The following KYNU variants were observed in gnomAD, a reference collection of about 807,000 sequenced individuals.
KYNU encodes the protein L-kynurenine hydrolase.
Under a neutral mutation model 59.2 loss-of-function variants are expected in KYNU, and 54 were observed. The ratio of observed to expected loss-of-function variants is 0.91; its 90% CI spans 0.73 to 1.14. The LOEUF (loss-of-function observed/expected upper bound fraction) is 1.14. Ranked by LOEUF, KYNU falls within the 50% of genes most tolerant of loss-of-function variation. The pLI is 0.00. For missense variants in KYNU, 567 were observed against 554.4 expected, an observed-to-expected ratio of 1.02 and a Z score of -0.23; for synonymous variants, 177 against 192.0, an observed-to-expected ratio of 0.92 and a Z score of 0.65.
chr2:143,041,237 A>T (rs2104927054), intron 13 of KYNU, among the ~76,000 whole-genome samples: 1 of 152,138 alleles, frequency 6.6e-6, no homozygotes, highest in South Asian at 2.1e-4. Flanking sequence ...AATTTCAGGG[A>T]AAAAAGATAA....
At chr2:142,948,747 C>G (rs773986924) in intron 4 of KYNU, among the ~76,000 whole-genome samples, 2 of 152,144 alleles carry the variant, frequency 1.3e-5, no homozygotes, top group Non-Finnish European at 2.9e-5. Context: ...GGGACACAAC[C>G]AAACCATATC....
intron 1 of KYNU, among the ~76,000 whole-genome samples, chr2:142,878,717 A>C (rs917035395): frequency 6.6e-6 from 1 of 152,200 alleles, no homozygotes; most frequent in African/African-American, 2.4e-5. Flanking sequence ...CAAGCTTTTT[A>C]CTTTAAAGTT....
intron 10 of KYNU, among the ~76,000 whole-genome samples, chr2:143,010,089 G>A (rs115349376): frequency 0.024 from 3,369 of 141,948 alleles, 76 homozygotes; most frequent in Non-Finnish European, 0.035. Context: ...GGAAATAAAG[G>A]GTACCCAATT....
chr2:142,931,623 G>A (rs1473982674), intron 4 of KYNU, among the ~76,000 whole-genome samples: 2 of 152,128 alleles, frequency 1.3e-5, no homozygotes, highest in Non-Finnish European at 2.9e-5. Context: ...GATTTTAAAG[G>A]GACTATAAAA....
chr2:142,931,314 G>A (rs1683210105), intron 4 of KYNU, among the ~76,000 whole-genome samples: 1 of 152,172 alleles, frequency 6.6e-6, no homozygotes, highest in Non-Finnish European at 1.5e-5. Flanking sequence ...GTGTGATATA[G>A]GGGGTGGTGT....
chr2:143,040,664 T>C lies in KYNU; in HGVS notation c.1272+6T>C, dbSNP rs762214840. 2 of 1,576,802 alleles carry C rather than the reference T, an allele frequency of 1.3e-6. No individual in the cohort carries two copies. The highest frequency in any genetic ancestry group is 1.7e-4 in the Middle Eastern group (1 of 5,948). ...TAGAAAAAAGAGGAGTGGTTGTAAGTATGTCTTGCTTTGCTACCAGATTTT... is the reference window on the plus strand; with the variant it reads ...TAGAAAAAAGAGGAGTGGTTGTAAGCATGTCTTGCTTTGCTACCAGATTTT... On this transcript the variant is annotated splice_donor_region_variant and intron_variant, in intron 13 of 13. Coordinates refer to ENST00000264170, the MANE Select transcript of KYNU (RefSeq NM_003937.3).
chr2:142,920,499 T>C (rs965791389), intron 3 of KYNU, among the ~76,000 whole-genome samples: 2 of 152,238 alleles, frequency 1.3e-5, no homozygotes, highest in East Asian at 1.9e-4. Context: ...CATATCCTTA[T>C]GGTCATCCAC....
At chr2:142,930,841 G>C (rs889051983) in intron 4 of KYNU, among the ~76,000 whole-genome samples, 1 of 152,216 alleles carries the variant, frequency 6.6e-6, no homozygotes, top group African/African-American at 2.4e-5. Context: ...TAGTTGTAAG[G>C]TTTCTGTATC....
At chr2:143,032,170 C>T (rs1190307667) in intron 11 of KYNU, among the ~76,000 whole-genome samples, 2 of 152,072 alleles carry the variant, frequency 1.3e-5, no homozygotes, top group East Asian at 1.9e-4. Flanking sequence ...CCCAGCTACT[C>T]GGAAAGCTGA....
intron 10 of KYNU, among the ~76,000 whole-genome samples, chr2:142,994,143 G>C (rs1451479176): frequency 6.6e-6 from 1 of 151,490 alleles, no homozygotes; most frequent in Non-Finnish European, 1.5e-5. Flanking sequence ...ATGTGTTCTT[G>C]TTTAGAACAT....
intron 10 of KYNU, among the ~76,000 whole-genome samples, chr2:143,021,151 C>G (rs1262878558): frequency 6.6e-6 from 1 of 151,976 alleles, no homozygotes. Flanking sequence ...CCTTATTGAT[C>G]TATATGTACT....
chr2:142,938,949 C>T (rs1022133734), intron 4 of KYNU, among the ~76,000 whole-genome samples: 11 of 151,260 alleles, frequency 7.3e-5, no homozygotes, highest in African/African-American at 2.2e-4. Flanking sequence ...AGTGAGACCC[C>T]GTCTCTACAA....
At chr2:142,956,966 G>A (rs1189805266) in intron 6 of KYNU, among the ~76,000 whole-genome samples, 2 of 152,012 alleles carry the variant, frequency 1.3e-5, no homozygotes, top group East Asian at 1.9e-4. Flanking sequence ...AATATAGTGA[G>A]ACCTCGTCTC....
intron 1 of KYNU, 39 bp downstream of exon 1, chr2:142,877,775 G>A (rs1260998686): frequency 6.6e-6 from 1 of 152,040 alleles, no homozygotes. Flanking sequence ...CTACCCTAAT[G>A]TTTACTCCAT....
chr2:142,885,382 T>C lies in KYNU; in HGVS notation c.15T>C (p.Ser5=). ...AACAACTTGTAATGGAGCCTTCATC[T>C]CTTGAGCTGCCGGCTGACACAGTGC... MEPS[S]LELPADTVQR... Residue 5 remains serine (S), a synonymous_variant, in exon 2 of 14, where the codon TCT becomes TCC. Coordinates refer to ENST00000264170, the MANE Select transcript of KYNU (RefSeq NM_003937.3). 6.2e-7 allele frequency: 1 copy of C among 1,614,030 alleles called. No homozygotes were observed. The highest frequency in any genetic ancestry group is 8.5e-7 in the Non-Finnish European group (1 of 1,179,994).
At chr2:143,028,848 CAAACAAAACA>C (rs113934733) in intron 10 of KYNU, among the ~76,000 whole-genome samples, 53 of 149,814 alleles carry the variant, frequency 3.5e-4, no homozygotes, top group Non-Finnish European at 6.2e-4. Context: ...AACTCTGTCT[CAAACAAAACA>C]AAACAAAACA....
intron 1 of KYNU, among the ~76,000 whole-genome samples, chr2:142,883,921 G>A (rs1178657326): frequency 1.3e-5 from 2 of 152,164 alleles, no homozygotes; most frequent in African/African-American, 4.8e-5. Flanking sequence ...AATACTTGTT[G>A]AAAGAGTAAA....
Position 142,947,304 on chromosome 2 carries a change from T to C in KYNU, c.374-7506T>C, listed in dbSNP as rs148785402. On this transcript the variant is annotated intron_variant, in intron 4 of 13. Transcript: ENST00000264170. ...CACTTAAAACTCACCACTACACACC[T>C]GTGTCATAGAAGCATTCCATTTTTT... 63 of 1,350,106 alleles carry C rather than the reference T, an allele frequency of 4.7e-5. No individual in the cohort carries two copies. The African/African-American group carries it at 8.4e-4, about 18-fold the overall frequency. The allele number at this position is 1,350,106 out of a possible 1,614,324, so 83.6% of individuals were successfully genotyped here. A position where few individuals can be genotyped will look rare whatever the true frequency, so the allele number is the denominator to read the frequency against.
rs1370001062 is a variant in KYNU at position 143,002,823 on chromosome 2, T to G, written c.902+16802T>G. On this transcript the variant is annotated intron_variant, in intron 10 of 13. Transcript: ENST00000264170. ...ATCAGTTTCCACAGAAAACATTATG[T>G]GCATAAAATTTCATATATTATCTTT... Among the ~76,000 whole-genome samples the G allele has an allele frequency of 2.0e-5, 3 of 152,226 alleles. No homozygotes were observed. In the East Asian group the frequency reaches 5.8e-4, roughly 29 times the overall value.
Sources: allele counts gnomAD v4.1 joint callset (sites outside exome capture counted in the v4.1 genomes callset), GRCh38; gene constraint gnomAD v4.1.1; transcripts MANE v1.5; gene names NCBI Gene and HGNC (gene_info 2026-07-23, HGNC 2026-07-21).